The following INPP4B variants were observed in gnomAD, a reference collection of about 807,000 sequenced individuals.
INPP4B encodes the protein inositol polyphosphate-4-phosphatase type II B.
In INPP4B, 55 loss-of-function variants were observed where a neutral mutation model predicts 122.5. That is an observed-to-expected ratio of 0.45 (90% CI 0.36 to 0.56). The LOEUF is 0.56. Ranked by LOEUF, INPP4B falls within the 20% of genes least tolerant of loss-of-function variation. The pLI, the probability that INPP4B is intolerant of heterozygous loss-of-function variation, is 0.00. For missense variants in INPP4B, 1,000 were observed against 1,097.7 expected (o/e 0.91, Z 1.26); for synonymous variants, 403 against 388.7 (o/e 1.04, Z -0.43).
At chr4:142,409,531 T>C (rs1331746167) in intron 5 of INPP4B, among the ~76,000 whole-genome samples, 1 of 132,768 alleles carries the variant, frequency 7.5e-6, no homozygotes, top group Non-Finnish European at 1.6e-5. Context: ...ATAAAGAGAC[T>C]CAATATCTCC....
chr4:142,781,820 C>A (rs1774871344), intron 1 of INPP4B, among the ~76,000 whole-genome samples: 1 of 152,096 alleles, frequency 6.6e-6, no homozygotes, highest in Non-Finnish European at 1.5e-5. Context: ...TGGAAATGGA[C>A]TTTGCATAAG....
chr4:142,817,572 G>A (rs985032898), intron 1 of INPP4B, among the ~76,000 whole-genome samples: 12 of 152,070 alleles, frequency 7.9e-5, no homozygotes, highest in Admixed American at 4.6e-4. Flanking sequence ...ACAGGGTGAC[G>A]ATAATGCCTT....
At chr4:142,830,544 G>T (rs1015324034) in intron 1 of INPP4B, among the ~76,000 whole-genome samples, 1 of 152,080 alleles carries the variant, frequency 6.6e-6, no homozygotes, top group Admixed American at 6.6e-5. Context: ...TTAATGTGTG[G>T]AAATCTTGAG....
intron 9 of INPP4B, among the ~76,000 whole-genome samples, chr4:142,298,041 C>T (rs1300934756): frequency 1.3e-5 from 2 of 152,260 alleles, no homozygotes; most frequent in East Asian, 3.9e-4. Context: ...CTCGGACTTG[C>T]ACCCAAGTCT....
chr4:142,801,121 T>C (rs17016782), intron 1 of INPP4B, among the ~76,000 whole-genome samples: 8,586 of 151,624 alleles, frequency 0.057, 817 homozygotes, highest in African/African-American at 0.2. Flanking sequence ...AGATGAGACA[T>C]AAAGAACAGG....
intron 2 of INPP4B, among the ~76,000 whole-genome samples, chr4:142,571,810 T>A (rs7665784): frequency 0.05 from 7,667 of 152,216 alleles, 659 homozygotes; most frequent in African/African-American, 0.17. Flanking sequence ...TTATTTATTT[T>A]TTTTTGAGAC....
In INPP4B at chr4:142,023,226, A is replaced by C. The variant is rs533402478; in HGVS notation, c.*5556T>G. On this transcript the variant is annotated 3_prime_UTR_variant, in exon 26 of 26. Transcript: ENST00000262992. ...AGTGTACAATGAATATGGTTTACAC[A>C]GAACAATAAAACAAAAATGATATCT... 7 of 152,340 alleles carry C rather than the reference A, an allele frequency of 4.6e-5. No individual in the cohort carries two copies. The highest frequency in any genetic ancestry group is 1.7e-4 in the African/African-American group (7 of 41,590). The allele number at this position is 152,340 out of a possible 1,614,324, so 9.4% of individuals were successfully genotyped here. A position where few individuals can be genotyped will look rare whatever the true frequency, so the allele number is the denominator to read the frequency against.
chr4:142,626,040 A>G (rs1419863230), intron 2 of INPP4B, among the ~76,000 whole-genome samples: 1 of 152,108 alleles, frequency 6.6e-6, no homozygotes, highest in Non-Finnish European at 1.5e-5. Context: ...CTAGAAGAAA[A>G]CCTAGGCAAT....
At chr4:142,742,614 A>G (rs895442128) in intron 1 of INPP4B, among the ~76,000 whole-genome samples, 1 of 152,044 alleles carries the variant, frequency 6.6e-6, no homozygotes, top group Non-Finnish European at 1.5e-5. Context: ...TTTGAGAACA[A>G]AAATGAAGCA....
At position 142,576,480 on chromosome 4, in the gene INPP4B, C is replaced by G. The variant is rs116471774; in HGVS notation, c.-190-113754G>C. Among the ~76,000 whole-genome samples the G allele has an allele frequency of 7.2e-3, 1,098 of 151,526 alleles. 18 individuals are homozygous for G. Among genetic ancestry groups the G allele is most frequent in the African/African-American group, 0.025 (1,046 of 41,306 alleles). The stretch of plus-strand genomic sequence containing the variant: ...AACTTCCTTATCTGCACCATGGATT[C>G]CACTTGAAAATAATATATAAAAAAA... On this transcript the variant is annotated intron_variant, in intron 2 of 25. Coordinates refer to ENST00000262992, the MANE Select transcript of INPP4B (RefSeq NM_001101669.3).
intron 5 of INPP4B, 105 bp from the exon 6 acceptor site, chr4:142,405,429 T>C: frequency 1.4e-6 from 1 of 696,932 alleles, no homozygotes; most frequent in Non-Finnish European, 2.6e-6. Flanking sequence ...CTGAAGGAAA[T>C]CTCCTGGGGC....
chr4:142,485,502 G>C (rs1306212370), intron 2 of INPP4B, among the ~76,000 whole-genome samples: 1 of 152,132 alleles, frequency 6.6e-6, no homozygotes, highest in Non-Finnish European at 1.5e-5. Context: ...ATAGTTCAGA[G>C]ACTCTATCTA....
At chr4:142,665,308 C>T (rs145181895) in intron 2 of INPP4B, among the ~76,000 whole-genome samples, 1,837 of 152,044 alleles carry the variant, frequency 0.012, 16 homozygotes, top group Non-Finnish European at 0.018. Flanking sequence ...CTTGCTAACA[C>T]AGTGAAACCC....
intron 11 of INPP4B, among the ~76,000 whole-genome samples, chr4:142,242,139 C>T (rs1438475911): frequency 6.6e-6 from 1 of 152,166 alleles, no homozygotes; most frequent in East Asian, 1.9e-4. Flanking sequence ...CAATTAGACA[C>T]TGACACATCC....
intron 7 of INPP4B, among the ~76,000 whole-genome samples, chr4:142,321,306 T>C (rs905682577): frequency 6.6e-6 from 1 of 152,206 alleles, no homozygotes; most frequent in Non-Finnish European, 1.5e-5. Context: ...CACTTTTTGA[T>C]GGAATTATTT....
At chr4:142,223,795 CA>C (rs1850372966) in intron 12 of INPP4B, among the ~76,000 whole-genome samples, 2 of 152,130 alleles carry the variant, frequency 1.3e-5, no homozygotes, top group African/African-American at 4.8e-5. Flanking sequence ...TAATATTAAT[CA>C]GGTGTGAGTC....
intron 2 of INPP4B, among the ~76,000 whole-genome samples, chr4:142,673,466 C>T: frequency 6.6e-6 from 1 of 151,656 alleles, no homozygotes; most frequent in East Asian, 1.9e-4. Context: ...TCCTAATTGC[C>T]ACAAGGAGGT....
intron 2 of INPP4B, among the ~76,000 whole-genome samples, chr4:142,628,417 G>A (rs1469584356): frequency 6.5e-5 from 4 of 61,690 alleles, no homozygotes; most frequent in South Asian, 2.0e-3. Flanking sequence ...GTTGTGGGGT[G>A]GGGGGAGGGG....
At chr4:142,066,818 A>G (rs10009295) in intron 25 of INPP4B, among the ~76,000 whole-genome samples, 3,775 of 152,280 alleles carry the variant, frequency 0.025, 171 homozygotes, top group African/African-American at 0.087. Flanking sequence ...TAAACAAAGC[A>G]GCCAGGAAGC....
Sources: gnomAD v4.1 joint callset for allele counts (sites outside exome capture counted in the v4.1 genomes callset) on GRCh38, gnomAD v4.1.1 for gene constraint, MANE v1.5 for transcripts, NCBI Gene and HGNC (gene_info 2026-07-23, HGNC 2026-07-21) for gene names.